The following DST variants were observed in gnomAD, a reference collection of about 807,000 sequenced individuals.
The protein encoded by DST is bullous pemphigoid antigen.
In DST, 253 loss-of-function variants were observed where a neutral mutation model predicts 875.2. The observed-to-expected ratio is 0.29, with a 90% CI of 0.26 to 0.32. The LOEUF (loss-of-function observed/expected upper bound fraction) is 0.32, where lower values mean the gene tolerates loss of function less well. DST is among the 10% of genes least tolerant of loss of function. The pLI, the probability that DST is intolerant of heterozygous loss-of-function variation, is 1.00. For synonymous variants in DST, 3,124 were observed against 3,197.1 expected (o/e 0.98, Z 0.77); for missense variants, 8,287 against 9,111.6 (o/e 0.91, Z 3.68).
At chr6:56,652,345 G>A (rs1240458714) in intron 10 of DST, among the ~76,000 whole-genome samples, 1 of 152,106 alleles carries the variant, frequency 6.6e-6, no homozygotes, top group Non-Finnish European at 1.5e-5. Context: ...AAAGACTACC[G>A]GAACAATGTG....
intron 5 of DST, among the ~76,000 whole-genome samples, chr6:56,705,428 CTA>C (rs778557841): frequency 6.6e-6 from 1 of 152,180 alleles, no homozygotes; most frequent in Admixed American, 6.5e-5. Context: ...ATAATCAAAA[CTA>C]TATAACTACA....
rs927659536 is a variant in DST at position 56,592,176 on chromosome 6, T to C, written c.12903+6A>G. On this transcript the variant is annotated splice_donor_region_variant and intron_variant, in intron 49 of 103. Transcript: ENST00000680361. The stretch of plus-strand genomic sequence containing the variant: ...TGGAAATGTGGATCTTTCTCTCGCT[T>C]TTTACCTTGGTCTCTTCTAATTGCC... 6.2e-7 allele frequency: 1 copy of C among 1,611,768 alleles called. No homozygotes were observed. Among genetic ancestry groups the C allele is most frequent in the Non-Finnish European group, 8.5e-7 (1 of 1,179,076 alleles).
intron 12 of DST, among the ~76,000 whole-genome samples, chr6:56,649,008 T>G (rs914267629): frequency 3.9e-5 from 6 of 152,154 alleles, no homozygotes; most frequent in African/African-American, 1.4e-4. Context: ...CAAAGTCAAT[T>G]TGGGGTGTTT....
intron 4 of DST, among the ~76,000 whole-genome samples, chr6:56,837,128 T>C (rs1383960279): frequency 1.3e-5 from 2 of 152,160 alleles, no homozygotes; most frequent in African/African-American, 2.4e-5. Context: ...TCCAGTTTTC[T>C]AGGGCACACT....
In DST at chr6:56,851,377, C is replaced by T; in HGVS notation, c.625+20G>A. Reference sequence around the variant, plus strand: ...GCAACTCTCTTCCCCCACTCCATCCCCTTCCCCAGATGCTCTTACCTGCTA... The same window carrying T: ...GCAACTCTCTTCCCCCACTCCATCCTCTTCCCCAGATGCTCTTACCTGCTA... On this transcript the variant is annotated intron_variant, in intron 4 of 103. Transcript: ENST00000680361. The T allele has an allele frequency of 6.2e-7, 1 of 1,609,242 alleles. No homozygotes were observed. Among genetic ancestry groups the T allele is most frequent in the Non-Finnish European group, 8.5e-7 (1 of 1,177,828 alleles).
chr6:56,700,973 T>G (rs920595283), intron 8 of DST, among the ~76,000 whole-genome samples: 1 of 148,270 alleles, frequency 6.7e-6, no homozygotes, highest in Non-Finnish European at 1.5e-5. Context: ...TCCCCCTTTT[T>G]CTCTTGCCTT....
chr6:56,937,829 A>T lies in DST; in HGVS notation c.216+15956T>A, dbSNP rs1227130027. Among the ~76,000 whole-genome samples, 3 of 152,354 alleles carry T rather than the reference A, an allele frequency of 2.0e-5. No homozygotes were observed. In the East Asian group the frequency reaches 5.8e-4, roughly 29 times the overall value. On this transcript the variant is annotated intron_variant, in intron 2 of 103. Transcript: ENST00000680361. Reference sequence around the variant, plus strand: ...AAATACTATTCAGCAATAAAAATGAACAAACTACTGATACATACTACAACA... The same window carrying T: ...AAATACTATTCAGCAATAAAAATGATCAAACTACTGATACATACTACAACA...
intron 10 of DST, among the ~76,000 whole-genome samples, chr6:56,654,504 G>C (rs1465709511): frequency 6.6e-6 from 1 of 151,282 alleles, no homozygotes; most frequent in Non-Finnish European, 1.5e-5. Flanking sequence ...AAATGCTATT[G>C]TCATAATACA....
intron 97 of DST, among the ~76,000 whole-genome samples, chr6:56,469,541 T>C (rs977121055): frequency 6.6e-6 from 1 of 152,148 alleles, no homozygotes; most frequent in Non-Finnish European, 1.5e-5. Flanking sequence ...TGGATTAGAG[T>C]AGCTTTCTTG....
At chr6:56,710,605 T>A (rs905820575) in intron 5 of DST, among the ~76,000 whole-genome samples, 1 of 152,158 alleles carries the variant, frequency 6.6e-6, no homozygotes, top group Admixed American at 6.5e-5. Flanking sequence ...AGAGGTAACA[T>A]AAATATCAAT....
chr6:56,592,097 T>C, intron 49 of DST, 85 bp downstream of exon 49: 1 of 1,265,440 alleles, frequency 7.9e-7, no homozygotes, highest in South Asian at 1.4e-5. Flanking sequence ...TCCCCTCTCT[T>C]AGCTGAAACT....
chr6:56,782,848 C>G (rs1224851653), intron 4 of DST, among the ~76,000 whole-genome samples: 1 of 152,046 alleles, frequency 6.6e-6, no homozygotes, highest in East Asian at 1.9e-4. Flanking sequence ...CCTGCTTTCT[C>G]TTGTGGGCAT....
At position 56,603,708 on chromosome 6, in the gene DST, G is replaced by A. The variant is rs1174942738; in HGVS notation, c.10797C>T (p.Ser3599=). The A allele has an allele frequency of 1.1e-5, 18 of 1,591,812 alleles. No homozygotes were observed. Among genetic ancestry groups the A allele is most frequent in the South Asian group, 4.6e-5 (4 of 87,638 alleles). ...GCTGTAAACACTGCTGTAATTCACT[G>A]GAAAACTAAAAACAAAGTTGGACAT... The part of the protein sequence containing the change: ...ASGDSSTEQF[S]SELQQCLQHT... The change falls in exon 41 of 104, where the codon TCC becomes TCT. Residue 3599 remains serine, a synonymous_variant. Coordinates refer to ENST00000680361, the MANE Select transcript of DST (RefSeq NM_001374736.1).
intron 2 of DST, among the ~76,000 whole-genome samples, chr6:56,933,447 A>G (rs1811314717): frequency 6.6e-6 from 1 of 152,230 alleles, no homozygotes; most frequent in Non-Finnish European, 1.5e-5. Flanking sequence ...GCACCCTGCA[A>G]ATAAATGCCC....
chr6:56,578,619 T>TA (rs1346120920), intron 50 of DST, among the ~76,000 whole-genome samples, 195 bp downstream of exon 50: 5 of 152,144 alleles, frequency 3.3e-5, no homozygotes, highest in Non-Finnish European at 1.5e-5. Context: ...TCAAGACACA[T>TA]AGCCCCCGCC....
Position 56,730,699 on chromosome 6 carries a change from A to G in DST, c.687+4529T>C, listed in dbSNP as rs542462189. Among the ~76,000 whole-genome samples the G allele has an allele frequency of 2.0e-5, 3 of 152,362 alleles. No individual in the cohort carries two copies. The East Asian group carries it at 5.8e-4, about 29-fold the overall frequency. ...TGCAGTTTAAATTATGCTAAAGAATAATATATAAATGTTCCTGACACCAGT... is the reference window on the plus strand; with the variant it reads ...TGCAGTTTAAATTATGCTAAAGAATGATATATAAATGTTCCTGACACCAGT... On this transcript the variant is annotated intron_variant, in intron 5 of 103. Transcript: ENST00000680361.
At chr6:56,657,217 C>A (rs1475514985) in intron 10 of DST, among the ~76,000 whole-genome samples, 3 of 152,112 alleles carry the variant, frequency 2.0e-5, no homozygotes, top group Non-Finnish European at 4.4e-5. Context: ...AAAGCACCCA[C>A]AAGCAGAAAC....
At position 56,463,590 on chromosome 6, in the gene DST, T is replaced by C; in HGVS notation, c.22934A>G (p.Gln7645Arg). ...SSQAAQAASP[Q>R]VPATTTPKIL... ...CTTGGGTGTGGTGGTGGCAGGGACC[T>C]GTGGGGAGGCCGCCTGCGCAGCCTG... The change falls in exon 101 of 104, where the codon CAG becomes CGG. Residue 7645 changes from glutamine (Q) to arginine (R), a missense_variant. By Grantham distance (43) the Gln-to-Arg change is conservative. Coordinates refer to ENST00000680361, the MANE Select transcript of DST (RefSeq NM_001374736.1). The C allele has an allele frequency of 1.2e-6, 2 of 1,601,512 alleles. No individual in the cohort carries two copies. Among genetic ancestry groups the C allele is most frequent in the Non-Finnish European group, 1.7e-6 (2 of 1,171,922 alleles).
Position 56,624,554 on chromosome 6 carries a change from T to G in DST, c.4905A>C (p.Ser1635=). 1 of 1,613,024 alleles carries G rather than the reference T, an allele frequency of 6.2e-7. No homozygotes were observed. Among genetic ancestry groups the G allele is most frequent in the Non-Finnish European group, 8.5e-7 (1 of 1,179,364 alleles). The change falls in exon 36 of 104, where the codon TCA becomes TCC. Residue 1635 remains serine, a synonymous_variant. Coordinates refer to ENST00000680361, the MANE Select transcript of DST (RefSeq NM_001374736.1). ...MTQYIKFAGD[S]LKRLEEEEKS... ...CCTCCTCCTCTTCCAGCCTCTTCAA[T>G]GAATCACCAGCAAATTTAATATATT...
Sources: gnomAD v4.1 joint callset for allele counts (sites outside exome capture counted in the v4.1 genomes callset) on GRCh38, gnomAD v4.1.1 for gene constraint, MANE v1.5 for transcripts, NCBI Gene and HGNC (gene_info 2026-07-23, HGNC 2026-07-21) for gene names.